The following AHRR variants were observed in gnomAD, a reference collection of about 807,000 sequenced individuals.
The protein encoded by AHRR is aryl hydrocarbon receptor repressor, also known as ahR repressor.
AHRR carries 28 observed loss-of-function variants against 44.0 expected under a neutral mutation model. That is an observed-to-expected ratio of 0.64 (90% confidence interval 0.47 to 0.87). The LOEUF (loss-of-function observed/expected upper bound fraction) is 0.87, where lower values mean the gene tolerates loss of function less well. Among genes scored for constraint, AHRR ranks in the 40% least tolerant of loss-of-function variants. AHRR has a pLI of 0.00. For missense variants in AHRR, 990 were observed against 953.9 expected, an observed-to-expected ratio of 1.04 and a Z score of -0.50; for synonymous variants, 434 against 407.0, an observed-to-expected ratio of 1.07 and a Z score of -0.80.
intron 2 of AHRR, among the ~76,000 whole-genome samples, chr5:344,174 T>C (rs897210651): frequency 1.3e-5 from 2 of 150,894 alleles, no homozygotes; most frequent in African/African-American, 4.9e-5. Context: ...GGCTCGTCCC[T>C]GCGCCCTCGG....
At chr5:409,645 G>T (rs2671898) in intron 4 of AHRR, among the ~76,000 whole-genome samples, 69,662 of 151,542 alleles carry the variant, frequency 0.46, 16,930 homozygotes, top group African/African-American at 0.61. Context: ...TTTGTCCCAT[G>T]GTTTAAAATT....
intron 1 of AHRR, among the ~76,000 whole-genome samples, chr5:324,809 A>G (rs1741645743): frequency 6.6e-6 from 1 of 151,876 alleles, no homozygotes; most frequent in Non-Finnish European, 1.5e-5. Context: ...AAAACAAAAA[A>G]CGAAAAACCC....
rs536352399 is a variant in AHRR at position 381,702 on chromosome 5, G to C, written c.351+4986G>C. On this transcript the variant is annotated intron_variant, in intron 4 of 10. Transcript: ENST00000684583. Reference sequence around the variant, plus strand: ...GCTAACTTTTTGTATTTTTAGTAGAGACGGGGTTTCACCATGTTGGCCAGG... The same window carrying C: ...GCTAACTTTTTGTATTTTTAGTAGACACGGGGTTTCACCATGTTGGCCAGG... Among the ~76,000 whole-genome samples, 3 of 151,932 alleles carry C rather than the reference G, an allele frequency of 2.0e-5. No homozygotes were observed. In the South Asian group the frequency reaches 6.2e-4, roughly 32 times the overall value.
intron 3 of AHRR, among the ~76,000 whole-genome samples, chr5:364,871 T>G (rs1040539811): frequency 5.9e-5 from 9 of 152,078 alleles, no homozygotes; most frequent in African/African-American, 2.2e-4. Context: ...AAATTGATTT[T>G]GGGGTAAAAA....
intron 2 of AHRR, among the ~76,000 whole-genome samples, chr5:352,030 C>G (rs148496298): frequency 6.6e-6 from 1 of 152,250 alleles, no homozygotes; most frequent in Admixed American, 6.5e-5. Context: ...CAGGTGGCCT[C>G]GTTCCTGTGG....
intron 3 of AHRR, among the ~76,000 whole-genome samples, chr5:373,088 C>T (rs1040073931): frequency 5.9e-5 from 9 of 152,238 alleles, no homozygotes; most frequent in African/African-American, 9.6e-5. Flanking sequence ...CGTGGGCGGA[C>T]GGCTGGTAAT....
intron 1 of AHRR, among the ~76,000 whole-genome samples, chr5:335,812 C>G (rs757410994): frequency 2.6e-5 from 4 of 152,376 alleles, no homozygotes; most frequent in Non-Finnish European, 4.4e-5. Flanking sequence ...GCCCGCAACT[C>G]AGCTCCAGGC....
chr5:422,570 G>T, intron 5 of AHRR, 159 bp from the exon 6 acceptor site: 1 of 946,504 alleles, frequency 1.1e-6, no homozygotes, highest in East Asian at 2.5e-5. Flanking sequence ...AGGGAGTGGG[G>T]AACCGGGGCC....
At chr5:347,874 A>T (rs1474416993) in intron 2 of AHRR, among the ~76,000 whole-genome samples, 2 of 152,196 alleles carry the variant, frequency 1.3e-5, no homozygotes, top group Non-Finnish European at 2.9e-5. Flanking sequence ...TGGCCATCCC[A>T]GCTGTGGCCC....
intron 4 of AHRR, chr5:403,712 A>G: frequency 1.1e-6 from 1 of 911,482 alleles, no homozygotes; most frequent in Non-Finnish European, 1.7e-6. Context: ...TCTCAGAGGC[A>G]TATTTTTCCG....
At chr5:340,327 T>C (rs1460744260) in intron 1 of AHRR, among the ~76,000 whole-genome samples, 1 of 152,060 alleles carries the variant, frequency 6.6e-6, no homozygotes, top group African/African-American at 2.4e-5. Context: ...CATAACAAAC[T>C]ACCATAGACT....
At chr5:341,356 G>T (rs983035446) in intron 1 of AHRR, among the ~76,000 whole-genome samples, 3 of 152,136 alleles carry the variant, frequency 2.0e-5, no homozygotes, top group African/African-American at 7.2e-5. Context: ...GGGATCTGCA[G>T]TGATGTCCTC....
chr5:432,682 T>C, intron 9 of AHRR, 124 bp from the exon 10 acceptor site: 1 of 1,547,270 alleles, frequency 6.5e-7, no homozygotes, highest in Non-Finnish European at 8.9e-7. Flanking sequence ...GTGCCGTTCC[T>C]GGGCTCTGGT....
intron 5 of AHRR, chr5:421,475 C>G: frequency 2.0e-6 from 1 of 493,676 alleles, no homozygotes; most frequent in Middle Eastern, 3.5e-4. Context: ...TGGGTGGGGT[C>G]CCGCGGGGTG....
intron 1 of AHRR, among the ~76,000 whole-genome samples, chr5:328,873 T>G (rs11748682): frequency 6.6e-6 from 1 of 152,234 alleles, no homozygotes; most frequent in South Asian, 2.1e-4. Flanking sequence ...TTTCTTTTGC[T>G]GTGCAGAAGG....
chr5:335,458 T>G (rs1468578840), intron 1 of AHRR, among the ~76,000 whole-genome samples: 2 of 152,154 alleles, frequency 1.3e-5, no homozygotes, highest in Non-Finnish European at 2.9e-5. Context: ...GGTGGTGGAC[T>G]GTGTTGTGGG....
At chr5:376,481 T>C in intron 3 of AHRR, 129 bp from the exon 4 acceptor site, 2 of 27,578 alleles carry the variant, frequency 7.3e-5, no homozygotes, top group Non-Finnish European at 1.1e-4. Context: ...GAGGGGTCAG[T>C]GCAGCCCAGG....
intron 1 of AHRR, among the ~76,000 whole-genome samples, chr5:334,405 T>C (rs1742047334): frequency 6.6e-6 from 1 of 152,148 alleles, no homozygotes; most frequent in Non-Finnish European, 1.5e-5. Context: ...TTGCTCATTC[T>C]TTCTCATTCT....
chr5:430,949 G>A (rs1736695296), intron 8 of AHRR, among the ~76,000 whole-genome samples: 1 of 151,932 alleles, frequency 6.6e-6, no homozygotes. Flanking sequence ...CTACATAGGT[G>A]CACAGAAAAG....
Sources: allele counts gnomAD v4.1 joint callset (sites outside exome capture counted in the v4.1 genomes callset), GRCh38; gene constraint gnomAD v4.1.1; transcripts MANE v1.5; gene names NCBI Gene and HGNC (gene_info 2026-07-23, HGNC 2026-07-21).